Variants in IL1F10 observed in about 807,000 individuals in gnomAD.
The protein encoded by IL1F10 is interleukin-1 family member 10.
IL1F10 carries 13 observed loss-of-function variants against 13.1 expected under a neutral mutation model. That is an observed-to-expected ratio of 0.99 (90% CI 0.64 to 1.57). The LOEUF is 1.57. IL1F10 is among the 40% of genes most tolerant of loss of function. The pLI, the probability that IL1F10 is intolerant of heterozygous loss-of-function variation, is 0.00. For missense variants in IL1F10, 191 were observed against 184.1 expected (o/e 1.04, Z -0.22); for synonymous variants, 78 against 68.2 (o/e 1.14, Z -0.71).
intron 2 of IL1F10, 102 bp from the exon 3 acceptor site, chr2:113,074,227 C>T: frequency 1.3e-6 from 1 of 750,656 alleles, no homozygotes; most frequent in Non-Finnish European, 2.4e-6. Flanking sequence ...GAGAAAATCG[C>T]CCAAATGCTC....
In IL1F10 at chr2:113,075,448, C is replaced by G; in HGVS notation, c.*84C>G. ...GTCTATGGTAGGCAGAATAATGTCC[C>G]CCGAAATATGTCCACATCCTAATCC... On this transcript the variant is annotated 3_prime_UTR_variant, in exon 5 of 5. Transcript: ENST00000341010. The G allele has an allele frequency of 3.1e-6, 3 of 983,106 alleles. No individual in the cohort carries two copies. Among genetic ancestry groups the G allele is most frequent in the Non-Finnish European group, 4.5e-6 (3 of 661,980 alleles). 60.9% of individuals were successfully genotyped at this position (983,106 alleles called of 1,614,324 possible).
rs1161619300 is a variant in IL1F10 at position 113,075,760 on chromosome 2, G to A, written c.*396G>A. 1 of 155,766 alleles carries A rather than the reference G, an allele frequency of 6.4e-6. No individual in the cohort carries two copies. The highest frequency in any genetic ancestry group is 1.9e-4 in the East Asian group (1 of 5,336). 9.6% of individuals were successfully genotyped at this position (155,766 alleles called of 1,614,324 possible). A position where few individuals can be genotyped will look rare whatever the true frequency, so the allele number is the denominator to read the frequency against. The stretch of plus-strand genomic sequence containing the variant: ...AGTCTCCGGAAGGAACACAGCTCTT[G>A]ACACATGGATTTCAGCTCAGTGACA... On this transcript the variant is annotated 3_prime_UTR_variant, in exon 5 of 5. Transcript: ENST00000341010.
Position 113,075,280 on chromosome 2 carries a change from G to GGAAGAGCCCCA in IL1F10, c.376_377insAAGAGCCCCAG (p.Ala126GlufsTer67). 4 of 1,612,376 alleles carry GGAAGAGCCCCA rather than the reference G, an allele frequency of 2.5e-6. No homozygotes were observed. Among genetic ancestry groups the GGAAGAGCCCCA allele is most frequent in the Non-Finnish European group, 3.4e-6 (4 of 1,178,736 alleles). ...GGCCTGGCTGGTTCCTGTGTGGCCC[G>GGAAGAGCCCCA]GCAGAGCCCCAGCAGCCAGTACAGC... is the stretch of plus-strand genomic sequence containing the variant. On this transcript the variant is annotated frameshift_variant, in exon 5 of 5. Transcript: ENST00000341010. LOFTEE classifies it high-confidence loss of function.
At chr2:113,068,306 G>A (rs938599431) in intron 1 of IL1F10, among the ~76,000 whole-genome samples, 6 of 151,450 alleles carry the variant, frequency 4.0e-5, no homozygotes, top group Admixed American at 6.6e-5. Flanking sequence ...TATTCAAACC[G>A]TGTTTGGTGG....
intron 1 of IL1F10, among the ~76,000 whole-genome samples, chr2:113,070,009 G>C (rs1294968847): frequency 6.6e-6 from 1 of 152,240 alleles, no homozygotes; most frequent in Non-Finnish European, 1.5e-5. Context: ...CTGTGCAAAA[G>C]AACATGGGGA....
chr2:113,070,159 G>A (rs1288381932), intron 1 of IL1F10, among the ~76,000 whole-genome samples: 1 of 152,124 alleles, frequency 6.6e-6, no homozygotes, highest in African/African-American at 2.4e-5. Flanking sequence ...AGTCATTTGA[G>A]GAAAATAGGG....
At chr2:113,072,432 C>A in intron 1 of IL1F10, 1 of 325,924 alleles carries the variant, frequency 3.1e-6, no homozygotes. Flanking sequence ...TTGGGGGAAT[C>A]TGTTTTCCAG....
At chr2:113,072,020 A>T (rs928997937) in intron 1 of IL1F10, among the ~76,000 whole-genome samples, 1 of 152,160 alleles carries the variant, frequency 6.6e-6, no homozygotes. Context: ...ACCCATCGGG[A>T]AGGAGCAGAG....
At chr2:113,072,154 T>C (rs1026163836) in intron 1 of IL1F10, among the ~76,000 whole-genome samples, 1 of 152,214 alleles carries the variant, frequency 6.6e-6, no homozygotes, top group Non-Finnish European at 1.5e-5. Flanking sequence ...CAAGCACTTC[T>C]AGTCACTAGG....
chr2:113,074,916 A>G, intron 4 of IL1F10, 66 bp downstream of exon 4: 1 of 1,566,110 alleles, frequency 6.4e-7, no homozygotes, highest in Non-Finnish European at 8.7e-7. Flanking sequence ...ATGCTCTGGC[A>G]TCTTTGTGCC....
intron 1 of IL1F10, 122 bp from the exon 2 acceptor site, chr2:113,072,589 T>A: frequency 3.1e-6 from 2 of 636,666 alleles, no homozygotes; most frequent in East Asian, 3.0e-5. Context: ...GGCAGGCCAA[T>A]TATAGACGAA....
intron 4 of IL1F10, 57 bp from the exon 5 acceptor site, chr2:113,075,095 A>C: frequency 1.3e-6 from 2 of 1,494,864 alleles, no homozygotes; most frequent in South Asian, 1.2e-5. Flanking sequence ...AGAGGCCTCC[A>C]GGGCTAACAC....
At chr2:113,074,234 G>C in intron 2 of IL1F10, 95 bp from the exon 3 acceptor site, 1 of 788,468 alleles carries the variant, frequency 1.3e-6, no homozygotes, top group Non-Finnish European at 2.2e-6. Context: ...TCGCCCAAAT[G>C]CTCAAGGTGG....
At chr2:113,071,149 GT>G (rs754418458) in intron 1 of IL1F10, among the ~76,000 whole-genome samples, 68 of 152,180 alleles carry the variant, frequency 4.5e-4, no homozygotes, top group Non-Finnish European at 8.4e-4. Flanking sequence ...CTATGTATGT[GT>G]CTCTATGTGT....
chr2:113,075,300 T>C lies in IL1F10; in HGVS notation c.395T>C (p.Val132Ala), dbSNP rs750619017. 5.0e-6 allele frequency: 8 copies of C among 1,607,386 alleles called. No homozygotes were observed. Among genetic ancestry groups the C allele is most frequent in the Non-Finnish European group, 6.8e-6 (8 of 1,174,694 alleles). Residue 132 changes from valine (V) to alanine (A), a missense_variant, in exon 5 of 5, where the codon GTA (valine) becomes GCA (alanine). Coordinates refer to ENST00000341010, the MANE Select transcript of IL1F10 (RefSeq NM_173161.3). Reference protein sequence around the residue: ...LCGPAEPQQPVQLTKESEPSA... With the variant: ...LCGPAEPQQPAQLTKESEPSA... ...GGCCCGGCAGAGCCCCAGCAGCCAGTACAGCTCACCAAGGAGAGTGAGCCC... is the reference window on the plus strand; with the variant it reads ...GGCCCGGCAGAGCCCCAGCAGCCAGCACAGCTCACCAAGGAGAGTGAGCCC...
chr2:113,068,461 TC>T (rs552612497), intron 1 of IL1F10, among the ~76,000 whole-genome samples: 18 of 152,108 alleles, frequency 1.2e-4, no homozygotes, highest in Non-Finnish European at 1.0e-4. Context: ...CTGCCCTTTA[TC>T]CTTTTTACAA....
intron 3 of IL1F10, 152 bp downstream of exon 3, chr2:113,074,566 T>C (rs1179838210): frequency 1.8e-6 from 2 of 1,108,818 alleles, no homozygotes; most frequent in Non-Finnish European, 2.8e-6. Context: ...CGAGGGGACA[T>C]GACTCCTGCA....
Position 113,074,726 on chromosome 2 carries a change from A to G in IL1F10, c.122A>G (p.Lys41Arg), listed in dbSNP as rs779785182. ...TCTTCTCTCTCTTCCCTCCTAGAGAAGATCTGCATACTTCCTAACAGAGGC... is the reference window on the plus strand; with the variant it reads ...TCTTCTCTCTCTTCCCTCCTAGAGAGGATCTGCATACTTCCTAACAGAGGC... ...DPVADNCCAE[K>R]ICILPNRGLA... The change falls in exon 4 of 5, where the codon AAG becomes AGG. Residue 41 changes from lysine (K) to arginine (R), a missense_variant. Physicochemically the swap from Lys to Arg is conservative, Grantham distance 26. Transcript: ENST00000341010. 2.5e-6 allele frequency: 4 copies of G among 1,613,566 alleles called. No homozygotes were observed. The highest frequency in any genetic ancestry group is 3.4e-6 in the Non-Finnish European group (4 of 1,179,478).
chr2:113,074,399 G>A lies in IL1F10; in HGVS notation c.103G>A (p.Asp35Asn), dbSNP rs745836847. The stretch of plus-strand genomic sequence containing the variant: ...GCTGCTGGTGGGAGATCCTGTTGCA[G>A]ACAACTGCTGTGCAGGTGAGCTTCT... Reference protein sequence around the residue: ...GQLLVGDPVADNCCAEKICIL... With the variant: ...GQLLVGDPVANNCCAEKICIL... Residue 35 changes from aspartate to asparagine, a missense_variant, in exon 3 of 5, where the codon GAC (aspartate) becomes AAC (asparagine). Transcript: ENST00000341010. 1.2e-6 allele frequency: 2 copies of A among 1,613,530 alleles called. No homozygotes were observed. The highest frequency in any genetic ancestry group is 1.7e-6 in the Non-Finnish European group (2 of 1,179,516).
Sources: gnomAD v4.1 joint callset for allele counts (sites outside exome capture counted in the v4.1 genomes callset) on GRCh38, gnomAD v4.1.1 for gene constraint, MANE v1.5 for transcripts, NCBI Gene and HGNC (gene_info 2026-07-23, HGNC 2026-07-21) for gene names.